Variants in IQGAP1 observed in about 807,000 individuals in gnomAD.
The protein encoded by IQGAP1 is IQ motif containing GTPase activating protein 1.
In IQGAP1, 66 loss-of-function variants were observed where a neutral mutation model predicts 215.6. That is an observed-to-expected ratio of 0.31 (90% CI 0.25 to 0.38). The LOEUF (loss-of-function observed/expected upper bound fraction) is 0.38. Ranked by LOEUF, IQGAP1 falls within the 10% of genes least tolerant of loss-of-function variation. The pLI is 1.00. For missense variants in IQGAP1, 1,712 were observed against 1,997.1 expected, an observed-to-expected ratio of 0.86 and a Z score of 2.72; for synonymous variants, 772 against 728.7, an observed-to-expected ratio of 1.06 and a Z score of -0.96.
chr15:90,497,433 G>C (rs929544910), intron 37 of IQGAP1, 93 bp downstream of exon 37: 28 of 692,448 alleles, frequency 4.0e-5, no homozygotes, highest in Non-Finnish European at 7.3e-5. Context: ...TCTGAGGAAA[G>C]CTGTCTACAT....
At chr15:90,411,270 TC>T (rs1471535632) in intron 2 of IQGAP1, among the ~76,000 whole-genome samples, 1 of 150,208 alleles carries the variant, frequency 6.7e-6, no homozygotes, top group Non-Finnish European at 1.5e-5. Context: ...TTTCTTTCTT[TC>T]TTTTCTTTTC....
chr15:90,425,176 G>T (rs1965203316), intron 2 of IQGAP1, among the ~76,000 whole-genome samples: 1 of 152,036 alleles, frequency 6.6e-6, no homozygotes. Context: ...TGGGCATGGT[G>T]GTGCATGCCT....
intron 15 of IQGAP1, among the ~76,000 whole-genome samples, chr15:90,459,896 A>AT (rs1466733963): frequency 2.0e-5 from 3 of 152,174 alleles, no homozygotes; most frequent in African/African-American, 7.2e-5. Context: ...TATCAGGGTA[A>AT]TACTGGCCTC....
intron 6 of IQGAP1, 95 bp from the exon 7 acceptor site, chr15:90,440,407 T>C (rs1965432125): frequency 1.2e-6 from 1 of 839,674 alleles, no homozygotes; most frequent in South Asian, 1.5e-5. Context: ...GTAAATGCCA[T>C]TTTATCCCAT....
chr15:90,394,059 C>T (rs761461052), intron 2 of IQGAP1, among the ~76,000 whole-genome samples: 10 of 147,732 alleles, frequency 6.8e-5, no homozygotes, highest in South Asian at 2.2e-4. Flanking sequence ...TGCTTGAACC[C>T]GGGAGGCAGA....
intron 14 of IQGAP1, 105 bp from the exon 15 acceptor site, chr15:90,456,047 G>A: frequency 1.1e-6 from 1 of 919,408 alleles, no homozygotes; most frequent in Non-Finnish European, 1.6e-6. Flanking sequence ...TTTGAATCAT[G>A]GTTACTCTTA....
Position 90,500,096 on chromosome 15 carries a change from C to T in IQGAP1, c.4962C>T (p.Phe1654=), listed in dbSNP as rs761126443. ...TGATCTTCCTTCTCAACAAAAAGTT[C>T]TACGGGAAGTAATTGATCGTTTGCT... is the stretch of plus-strand genomic sequence containing the variant. ...NLLIFLLNKK[F]YGK The change falls in exon 38 of 38, where the codon TTC becomes TTT. Residue 1654 remains phenylalanine, a synonymous_variant. Coordinates refer to ENST00000268182, the MANE Select transcript of IQGAP1 (RefSeq NM_003870.4). 5 of 1,592,440 alleles carry T rather than the reference C, an allele frequency of 3.1e-6. No homozygotes were observed. In the South Asian group the frequency reaches 5.5e-5, roughly 18 times the overall value.
chr15:90,485,926 G>T, intron 30 of IQGAP1, 104 bp from the exon 31 acceptor site: 2 of 787,054 alleles, frequency 2.5e-6, no homozygotes, highest in South Asian at 3.5e-5. Flanking sequence ...TTGAATATAG[G>T]AACTTTGTTG....
chr15:90,435,795 T>C (rs1352312009), intron 5 of IQGAP1, among the ~76,000 whole-genome samples: 1 of 152,220 alleles, frequency 6.6e-6, no homozygotes, highest in African/African-American at 2.4e-5. Flanking sequence ...TTCTCTTGAA[T>C]ATGTAGTCTG....
intron 2 of IQGAP1, among the ~76,000 whole-genome samples, chr15:90,403,134 A>T (rs1410546171): frequency 6.6e-6 from 1 of 152,106 alleles, no homozygotes; most frequent in East Asian, 1.9e-4. Flanking sequence ...AAAAAAGCCA[A>T]ACGTGGTGGC....
chr15:90,426,391 TA>T, intron 3 of IQGAP1, 125 bp downstream of exon 3: 1 of 998,820 alleles, frequency 1.0e-6, no homozygotes, highest in Non-Finnish European at 1.4e-6. Context: ...TTATAGCCTT[TA>T]AAATGCCTGG....
chr15:90,487,123 G>A, intron 32 of IQGAP1, 34 bp downstream of exon 32: 1 of 1,611,756 alleles, frequency 6.2e-7, no homozygotes, highest in Non-Finnish European at 8.5e-7. Flanking sequence ...TGAAATGAAT[G>A]TAATCTGAAG....
intron 19 of IQGAP1, 171 bp from the exon 20 acceptor site, chr15:90,473,544 C>T (rs1262253934): frequency 1.7e-6 from 1 of 592,558 alleles, no homozygotes; most frequent in Non-Finnish European, 3.0e-6. Context: ...TCGTGTTCTT[C>T]CAGTGGAGGG....
intron 28 of IQGAP1, among the ~76,000 whole-genome samples, chr15:90,482,933 A>G (rs576431140): frequency 1.3e-5 from 2 of 152,302 alleles, no homozygotes; most frequent in African/African-American, 4.8e-5. Context: ...GGGTCATGTT[A>G]AGGAATTTAG....
At chr15:90,448,821 C>T (rs1596271599) in intron 10 of IQGAP1, 85 bp downstream of exon 10, 1 of 1,193,144 alleles carries the variant, frequency 8.4e-7, no homozygotes, top group African/African-American at 1.6e-5. Flanking sequence ...TATATGCTGC[C>T]TTTGTTTTTC....
chr15:90,415,409 G>A (rs1965031139), intron 2 of IQGAP1, among the ~76,000 whole-genome samples: 1 of 151,852 alleles, frequency 6.6e-6, no homozygotes, highest in Admixed American at 6.6e-5. Flanking sequence ...TTTTAAAAAT[G>A]GCCTTACAGA....
intron 33 of IQGAP1, among the ~76,000 whole-genome samples, 179 bp downstream of exon 33, chr15:90,487,761 A>G (rs1286127281): frequency 6.6e-6 from 1 of 152,146 alleles, no homozygotes; most frequent in African/African-American, 2.4e-5. Flanking sequence ...TCCTGAGTCC[A>G]GGTGATGTCC....
At chr15:90,433,181 T>TGTAGCTTCCCATTTCTCCTAAGC (rs1297750001) in intron 4 of IQGAP1, among the ~76,000 whole-genome samples, 1 of 152,228 alleles carries the variant, frequency 6.6e-6, no homozygotes, top group African/African-American at 2.4e-5. Context: ...ACTTCATCTG[T>TGTAGCTTCCCATTTCTCCTAAGC]GTAGCTTCCC....
chr15:90,469,355 CT>C (rs1397242184), intron 18 of IQGAP1, among the ~76,000 whole-genome samples: 2 of 152,190 alleles, frequency 1.3e-5, no homozygotes, highest in Admixed American at 1.3e-4. Flanking sequence ...AAAAATACAC[CT>C]GTGGAAAAAC....
Sources: allele counts gnomAD v4.1 joint callset (sites outside exome capture counted in the v4.1 genomes callset), GRCh38; gene constraint gnomAD v4.1.1; transcripts MANE v1.5; gene names NCBI Gene and HGNC (gene_info 2026-07-23, HGNC 2026-07-21).